Variants in ARID1B observed in about 807,000 individuals in gnomAD.
The protein encoded by ARID1B is AT-rich interactive domain-containing protein 1B.
ARID1B carries 30 observed loss-of-function variants against 212.3 expected under a neutral mutation model. The observed-to-expected ratio is 0.14, with a 90% CI of 0.11 to 0.19. The LOEUF is 0.19. Ranked by LOEUF, ARID1B falls within the 10% of genes least tolerant of loss-of-function variation. ARID1B has a pLI of 1.00. For missense variants in ARID1B, 2,891 were observed against 3,204.0 expected, an observed-to-expected ratio of 0.90 and a Z score of 2.36; for synonymous variants, 1,402 against 1,301.7, an observed-to-expected ratio of 1.08 and a Z score of -1.66.
chr6:157,100,740 TACTA>T (rs1785998598), intron 5 of ARID1B, among the ~76,000 whole-genome samples: 2 of 152,232 alleles, frequency 1.3e-5, no homozygotes, highest in African/African-American at 4.8e-5. Context: ...TCTAGCTTCT[TACTA>T]ACTGAGATAA....
At chr6:157,097,084 T>G (rs1352310473) in intron 5 of ARID1B, among the ~76,000 whole-genome samples, 2 of 152,240 alleles carry the variant, frequency 1.3e-5, no homozygotes, top group South Asian at 2.1e-4. Flanking sequence ...CGTTCTTTAC[T>G]TTTAAAAGTA....
intron 4 of ARID1B, among the ~76,000 whole-genome samples, chr6:157,083,866 G>A (rs528261497): frequency 6.6e-6 from 1 of 152,304 alleles, no homozygotes; most frequent in Non-Finnish European, 1.5e-5. Flanking sequence ...AGGCACAGTG[G>A]CTCATGCCAG....
chr6:157,011,553 G>A (rs1779610236), intron 4 of ARID1B, among the ~76,000 whole-genome samples: 1 of 152,184 alleles, frequency 6.6e-6, no homozygotes, highest in Non-Finnish European at 1.5e-5. Flanking sequence ...TTAAAGTCTT[G>A]AGGAAAGAAT....
intron 5 of ARID1B, among the ~76,000 whole-genome samples, chr6:157,109,341 G>T (rs927238073): frequency 6.6e-6 from 1 of 152,194 alleles, no homozygotes; most frequent in Non-Finnish European, 1.5e-5. Context: ...GAAGCAGTGG[G>T]TCTGACGGAG....
chr6:157,085,300 C>T (rs1784896306), intron 5 of ARID1B, among the ~76,000 whole-genome samples: 1 of 152,132 alleles, frequency 6.6e-6, no homozygotes, highest in South Asian at 2.1e-4. Context: ...ATACTTGCCA[C>T]AGCATTTATT....
intron 4 of ARID1B, among the ~76,000 whole-genome samples, chr6:157,045,206 C>A (rs145478552): frequency 0.018 from 2,802 of 152,162 alleles, 87 homozygotes; most frequent in African/African-American, 0.065. Context: ...ATTTGACATC[C>A]TTCTAGAGTG....
At chr6:157,075,338 G>A in intron 4 of ARID1B, among the ~76,000 whole-genome samples, 1 of 152,270 alleles carries the variant, frequency 6.6e-6, no homozygotes, top group South Asian at 2.1e-4. Context: ...AGCTAATCAT[G>A]TAAAAAGTTT....
At chr6:157,003,343 A>T (rs1779015105) in intron 4 of ARID1B, among the ~76,000 whole-genome samples, 1 of 152,186 alleles carries the variant, frequency 6.6e-6, no homozygotes, top group East Asian at 1.9e-4. Flanking sequence ...AGGGAGCATC[A>T]TGTGAATGCC....
chr6:156,828,289 C>T (rs565761541), intron 1 of ARID1B, among the ~76,000 whole-genome samples: 5 of 152,096 alleles, frequency 3.3e-5, no homozygotes, highest in East Asian at 3.9e-4. Flanking sequence ...TTGAATTTAC[C>T]CTGCTAATTC....
chr6:156,952,559 T>C (rs1334715067), intron 4 of ARID1B, among the ~76,000 whole-genome samples: 1 of 152,130 alleles, frequency 6.6e-6, no homozygotes, highest in Non-Finnish European at 1.5e-5. Context: ...CTGTGCACTT[T>C]GGTTGCTGAG....
At chr6:157,056,293 A>G (rs973068230) in intron 4 of ARID1B, among the ~76,000 whole-genome samples, 2 of 152,118 alleles carry the variant, frequency 1.3e-5, no homozygotes, top group African/African-American at 4.8e-5. Flanking sequence ...TTTTACATGT[A>G]CTCAAAATGT....
At chr6:157,077,682 C>T (rs1450152277) in intron 4 of ARID1B, among the ~76,000 whole-genome samples, 4 of 152,196 alleles carry the variant, frequency 2.6e-5, no homozygotes, top group South Asian at 2.1e-4. Context: ...CTAATTCACC[C>T]TCCATCATAG....
chr6:156,896,650 G>A (rs1788418116), intron 2 of ARID1B, among the ~76,000 whole-genome samples: 1 of 150,098 alleles, frequency 6.7e-6, no homozygotes, highest in South Asian at 2.1e-4. Context: ...GGAGGCCAAG[G>A]CAGGTGGATC....
chr6:157,047,804 T>C (rs1171076391), intron 4 of ARID1B, among the ~76,000 whole-genome samples: 1 of 152,222 alleles, frequency 6.6e-6, no homozygotes, highest in African/African-American at 2.4e-5. Context: ...CTTAATTTTC[T>C]AGTAATAATA....
At chr6:157,174,817 ATTTTT>A in intron 10 of ARID1B, 25 bp from the exon 11 acceptor site, 1 of 1,281,686 alleles carries the variant, frequency 7.8e-7, no homozygotes, top group Non-Finnish European at 1.0e-6. Context: ...TACCTTTGTC[ATTTTT>A]TTTTTTTTTA....
chr6:157,092,895 T>G (rs11966489), intron 5 of ARID1B, among the ~76,000 whole-genome samples: 1 of 152,064 alleles, frequency 6.6e-6, no homozygotes, highest in Admixed American at 6.5e-5. Context: ...CACTCCCACT[T>G]CTCCATTATT....
intron 1 of ARID1B, among the ~76,000 whole-genome samples, chr6:156,796,786 G>A (rs1780411863): frequency 6.6e-6 from 1 of 152,196 alleles, no homozygotes; most frequent in South Asian, 2.1e-4. Flanking sequence ...TAGTGTGTGG[G>A]GCTGGGGGAA....
intron 15 of ARID1B, among the ~76,000 whole-genome samples, chr6:157,192,604 C>G (rs764253620): frequency 1.3e-5 from 2 of 152,202 alleles, no homozygotes; most frequent in Admixed American, 1.3e-4. Flanking sequence ...GAGGAGCATA[C>G]TGAATGCCTG....
At chr6:156,953,632 G>A (rs893170236) in intron 4 of ARID1B, among the ~76,000 whole-genome samples, 1 of 152,092 alleles carries the variant, frequency 6.6e-6, no homozygotes, top group Admixed American at 6.5e-5. Flanking sequence ...GGTACCGTCC[G>A]CCTCATAACC....
Sources: gnomAD v4.1 joint callset for allele counts (sites outside exome capture counted in the v4.1 genomes callset) on GRCh38, gnomAD v4.1.1 for gene constraint, MANE v1.5 for transcripts, NCBI Gene and HGNC (gene_info 2026-07-23, HGNC 2026-07-21) for gene names.